Variants in IHO1 observed in about 807,000 individuals in gnomAD.
The protein encoded by IHO1 is interactor of HORMAD1 protein 1.
In IHO1, 13 loss-of-function variants were observed where a neutral mutation model predicts 31.0. The ratio of observed to expected loss-of-function variants is 0.42; its 90% confidence interval spans 0.27 to 0.67. The LOEUF (loss-of-function observed/expected upper bound fraction) is 0.67, where lower values mean the gene tolerates loss of function less well. IHO1 is among the 30% of genes least tolerant of loss of function. The pLI is 0.24. For synonymous variants in IHO1, 221 were observed against 248.4 expected, an observed-to-expected ratio of 0.89 and a Z score of 1.04; for missense variants, 599 against 687.5, an observed-to-expected ratio of 0.87 and a Z score of 1.44.
intron 2 of IHO1, among the ~76,000 whole-genome samples, chr3:49,218,937 C>T (rs1486432465): frequency 6.6e-6 from 1 of 152,158 alleles, no homozygotes; most frequent in East Asian, 1.9e-4. Context: ...TTGGGAGGAT[C>T]ACCTGAGCAG....
chr3:49,247,260 C>T (rs2046706296), intron 6 of IHO1, among the ~76,000 whole-genome samples: 1 of 150,134 alleles, frequency 6.7e-6, no homozygotes, highest in Admixed American at 6.6e-5. Context: ...GATGGAGTCT[C>T]GCTCTGTCAC....
the IHO1 span, among the ~76,000 whole-genome samples, chr3:49,192,796 T>G: frequency 6.6e-6 from 1 of 152,010 alleles, no homozygotes; most frequent in Non-Finnish European, 1.5e-5. Context: ...TTTGGGGGAC[T>G]GAAGTGGGAG....
At chr3:49,193,057 T>C in the IHO1 span, among the ~76,000 whole-genome samples, 2 of 152,132 alleles carry the variant, frequency 1.3e-5, no homozygotes, top group African/African-American at 4.8e-5. Context: ...CTACAGATAT[T>C]AGAATCCACA....
At position 49,236,695 on chromosome 3, in the gene IHO1, A is replaced by G. The variant is rs775075214; in HGVS notation, c.204A>G (p.Ser68=). The G allele has an allele frequency of 2.5e-6, 4 of 1,613,762 alleles. No homozygotes were observed. The Admixed American group carries it at 6.7e-5, about 27-fold the overall frequency. The change falls in exon 3 of 8, where the codon TCA becomes TCG. Residue 68 remains serine (S), a synonymous_variant. Coordinates refer to ENST00000452691, the MANE Select transcript of IHO1 (RefSeq NM_001135197.2). Reference sequence around the variant, plus strand: ...ACTTTGGTGCCCACTTGAGACATTCAAAACAGTCACAACAGAACTATCTGG... The same window carrying G: ...ACTTTGGTGCCCACTTGAGACATTCGAAACAGTCACAACAGAACTATCTGG... ...PLDFGAHLRH[S]KQSQQNYLEG...
intron 3 of IHO1, among the ~76,000 whole-genome samples, chr3:49,240,334 C>T (rs1575583018): frequency 1.3e-5 from 2 of 152,356 alleles, no homozygotes; most frequent in East Asian, 3.9e-4. Flanking sequence ...AGCAATTCTC[C>T]TGCCTCAGCC....
Position 49,256,342 on chromosome 3 carries a change from A to G in IHO1, c.845A>G (p.Asn282Ser). 3 of 1,614,114 alleles carry G rather than the reference A, an allele frequency of 1.9e-6. No homozygotes were observed. Among genetic ancestry groups the G allele is most frequent in the Admixed American group, 1.7e-5 (1 of 59,996 alleles). The change falls in exon 8 of 8, where the codon AAT (asparagine) becomes AGT (serine). Residue 282 changes from asparagine (N) to serine (S), a missense_variant. Coordinates refer to ENST00000452691, the MANE Select transcript of IHO1 (RefSeq NM_001135197.2). This position sits in a 1 kb window ranked among gnomAD's most constrained non-coding sequence, Gnocchi z 4.6. ...TCGCCACCTTTGGCCCAGAGCCTCA[A>G]TCTCACCAGGCAGGAAAAATACACC... ...QTSPPLAQSLNLTRQEKYTSE... is the reference protein window; with the variant it reads ...QTSPPLAQSLSLTRQEKYTSE...
intron 1 of IHO1, among the ~76,000 whole-genome samples, chr3:49,209,570 C>T (rs1575565496): frequency 6.7e-6 from 1 of 150,096 alleles, no homozygotes; most frequent in African/African-American, 2.5e-5. Context: ...CGGGAGGCAG[C>T]GGTTGCAGTT....
chr3:49,227,700 G>T (rs1252439130), intron 2 of IHO1, among the ~76,000 whole-genome samples: 2 of 152,136 alleles, frequency 1.3e-5, no homozygotes, highest in African/African-American at 2.4e-5. Flanking sequence ...CTGGGACTTT[G>T]CCCCGTCCTA....
At chr3:49,241,462 T>C (rs2046629962) in intron 4 of IHO1, 73 bp downstream of exon 4, 1 of 1,416,240 alleles carries the variant, frequency 7.1e-7, no homozygotes, top group South Asian at 1.4e-5. Context: ...TGTCAGTAAT[T>C]AAATAATTCA....
At chr3:49,235,275 G>A (rs2046544173) in intron 2 of IHO1, among the ~76,000 whole-genome samples, 1 of 147,432 alleles carries the variant, frequency 6.8e-6, no homozygotes, top group African/African-American at 2.5e-5. Flanking sequence ...TGCCCAGGCT[G>A]GAGTGCAGTG....
intron 1 of IHO1, among the ~76,000 whole-genome samples, chr3:49,204,618 A>C (rs2046112777): frequency 6.6e-6 from 1 of 152,186 alleles, no homozygotes; most frequent in South Asian, 2.1e-4. Flanking sequence ...TTGTTGGGGA[A>C]GATGTTACCA....
At chr3:49,195,928 A>G (rs532763963), upstream of IHO1, among the ~76,000 whole-genome samples, 8 of 149,252 alleles carry the variant, frequency 5.4e-5, no homozygotes, top group Non-Finnish European at 7.4e-5. Flanking sequence ...GTGAAACCCC[A>G]TCTCTACTAA....
At chr3:49,251,790 C>T (rs1467530303) in intron 6 of IHO1, among the ~76,000 whole-genome samples, 1 of 151,848 alleles carries the variant, frequency 6.6e-6, no homozygotes, top group Non-Finnish European at 1.5e-5. Context: ...TTAGTAGAGA[C>T]GGGGTTTCTC....
At chr3:49,233,846 C>T (rs1008217519) in intron 2 of IHO1, among the ~76,000 whole-genome samples, 9 of 152,108 alleles carry the variant, frequency 5.9e-5, no homozygotes, top group Non-Finnish European at 1.0e-4. Flanking sequence ...CTTGGCCCAC[C>T]GAGGGCGGAA....
At chr3:49,225,398 GGTTGCAGTGAGCAGAGATT>G (rs1376403799) in intron 2 of IHO1, among the ~76,000 whole-genome samples, 3 of 152,192 alleles carry the variant, frequency 2.0e-5, no homozygotes, top group Non-Finnish European at 4.4e-5. Flanking sequence ...AGGAGGCAGA[GGTTGCAGTGAGCAGAGATT>G]GCGCCATCGC....
At chr3:49,228,745 G>C (rs1356626412) in intron 2 of IHO1, among the ~76,000 whole-genome samples, 1 of 152,144 alleles carries the variant, frequency 6.6e-6, no homozygotes, top group African/African-American at 2.4e-5. Context: ...GGATCTTTGT[G>C]GCGAGTGTCA....
At chr3:49,243,769 A>AG (rs1283072784) in intron 4 of IHO1, among the ~76,000 whole-genome samples, 1 of 150,688 alleles carries the variant, frequency 6.6e-6, no homozygotes, top group East Asian at 2.0e-4. Flanking sequence ...AAAAAAAAAA[A>AG]AAAAAAAAAG....
intron 4 of IHO1, among the ~76,000 whole-genome samples, chr3:49,244,033 C>A (rs1305767758): frequency 6.6e-6 from 1 of 151,134 alleles, no homozygotes; most frequent in Non-Finnish European, 1.5e-5. Flanking sequence ...TGGCTCACTG[C>A]AACCTCCGCC....
chr3:49,222,851 G>C (rs1455208643), intron 2 of IHO1, among the ~76,000 whole-genome samples: 1 of 151,912 alleles, frequency 6.6e-6, no homozygotes, highest in African/African-American at 2.4e-5. Flanking sequence ...TTCCGCAGGG[G>C]GTGTCCAAAA....
Sources: gnomAD v4.1 joint callset for allele counts (sites outside exome capture counted in the v4.1 genomes callset) on GRCh38, gnomAD v4.1.1 for gene constraint, Gnocchi (gnomAD v3.1) non-coding constraint, MANE v1.5 for transcripts, NCBI Gene and HGNC (gene_info 2026-07-23, HGNC 2026-07-21) for gene names.